Variants in ADGRD1 observed in about 807,000 individuals in gnomAD.
ADGRD1 encodes adhesion G protein-coupled receptor D1.
A neutral mutation model predicts 113.4 loss-of-function variants in ADGRD1; 77 were observed. The observed-to-expected ratio is 0.68, with a 90% confidence interval of 0.57 to 0.82. ADGRD1 has a LOEUF of 0.82. ADGRD1 is among the 40% of genes least tolerant of loss of function. The pLI, the probability that ADGRD1 is intolerant of heterozygous loss-of-function variation, is 0.00. For synonymous variants in ADGRD1, 474 were observed against 475.0 expected (o/e 1.00, Z 0.03); for missense variants, 1,036 against 1,139.1 (o/e 0.91, Z 1.30).
intron 10 of ADGRD1, 42 bp from the exon 11 acceptor site, chr12:131,004,144 A>T: frequency 7.9e-7 from 1 of 1,260,508 alleles, no homozygotes; most frequent in Non-Finnish European, 1.2e-6. Context: ...GCAGCCTGTG[A>T]GCTCTGACGG....
chr12:131,007,491 C>T (rs546106471), intron 12 of ADGRD1, among the ~76,000 whole-genome samples: 152 of 152,332 alleles, frequency 1.0e-3, no homozygotes, highest in African/African-American at 3.2e-3. Flanking sequence ...GAGCCCACAG[C>T]CTTGCAGATG....
intron 12 of ADGRD1, among the ~76,000 whole-genome samples, chr12:131,009,932 C>T (rs1248977347): frequency 2.0e-5 from 3 of 152,196 alleles, no homozygotes; most frequent in Non-Finnish European, 2.9e-5. Context: ...GGCAGATTTC[C>T]TGCTGGTTTG....
intron 24 of ADGRD1, 28 bp downstream of exon 24, chr12:131,138,257 T>G: frequency 6.3e-7 from 1 of 1,579,648 alleles, no homozygotes; most frequent in South Asian, 1.1e-5. Context: ...AAACCGAGGG[T>G]CCCAGCCCAT....
At chr12:131,100,829 C>G (rs1164352609) in intron 15 of ADGRD1, among the ~76,000 whole-genome samples, 2 of 152,208 alleles carry the variant, frequency 1.3e-5, no homozygotes, top group Admixed American at 6.5e-5. Context: ...CCACTGGAAC[C>G]TCACTGCATT....
At chr12:131,104,393 G>A (rs1311362850) in intron 15 of ADGRD1, among the ~76,000 whole-genome samples, 2 of 152,304 alleles carry the variant, frequency 1.3e-5, no homozygotes, top group East Asian at 1.9e-4. Flanking sequence ...AATGGAGAGG[G>A]GTCATTATTT....
chr12:131,121,448 C>T (rs1457087417), intron 20 of ADGRD1, among the ~76,000 whole-genome samples: 5 of 152,120 alleles, frequency 3.3e-5, no homozygotes, highest in African/African-American at 9.7e-5. Context: ...TGCAGTGGTG[C>T]GATCTCACTG....
chr12:131,046,453 C>T lies in ADGRD1; in HGVS notation c.1474-30348C>T, dbSNP rs1173277354. On this transcript the variant is annotated intron_variant, in intron 13 of 24. Transcript: ENST00000261654. ...CTGGTCAGTGTCCTCTCTCCCTGGT[C>T]AGTGTCCTCCCTGGTCAGCGCTCCC... Among the ~76,000 whole-genome samples, 8 of 132,264 alleles carry T rather than the reference C, an allele frequency of 6.0e-5. No homozygotes were observed. The Admixed American group carries it at 6.2e-4, about 10-fold the overall frequency. 86.8% of individuals were successfully genotyped at this position (132,264 alleles called of 152,430 possible).
At chr12:131,009,137 G>T (rs1877552409) in intron 12 of ADGRD1, among the ~76,000 whole-genome samples, 1 of 152,366 alleles carries the variant, frequency 6.6e-6, no homozygotes, top group Middle Eastern at 3.4e-3. Context: ...CAGCCAGGTG[G>T]CCACACTCAA....
chr12:131,011,976 T>C (rs577024548), intron 12 of ADGRD1, among the ~76,000 whole-genome samples: 127 of 152,258 alleles, frequency 8.3e-4, no homozygotes, highest in Non-Finnish European at 1.3e-3. Context: ...CCCCCAACTT[T>C]CTGCGGCCTC....
intron 13 of ADGRD1, among the ~76,000 whole-genome samples, chr12:131,061,455 C>T (rs563497130): frequency 4.6e-5 from 7 of 152,300 alleles, no homozygotes; most frequent in South Asian, 2.1e-4. Context: ...CGCCTGCCCA[C>T]GCTTGTGTTT....
rs377122491 is a variant in ADGRD1 at position 131,108,308 on chromosome 12, G to A, written c.1888-416G>A. Among the ~76,000 whole-genome samples, 17 of 152,286 alleles carry A rather than the reference G, an allele frequency of 1.1e-4. No individual in the cohort carries two copies. In the East Asian group the frequency reaches 3.1e-3, roughly 28 times the overall value. On this transcript the variant is annotated intron_variant, in intron 17 of 24. Coordinates refer to ENST00000261654, the MANE Select transcript of ADGRD1 (RefSeq NM_198827.5). ...GGCTCCACACCTCTCTGGGAGCCAC[G>A]TGGCTTCCAAAGTTCCTTGCTCCAG...
At chr12:131,051,607 C>A (rs1202744143) in intron 13 of ADGRD1, among the ~76,000 whole-genome samples, 1 of 152,058 alleles carries the variant, frequency 6.6e-6, no homozygotes, top group Non-Finnish European at 1.5e-5. Flanking sequence ...CTTCAGCCTC[C>A]TGAGTAGCTG....
intron 8 of ADGRD1, among the ~76,000 whole-genome samples, chr12:130,993,652 A>C (rs1874741741): frequency 6.6e-6 from 1 of 152,048 alleles, no homozygotes; most frequent in South Asian, 2.1e-4. Context: ...CCTGCTTCCC[A>C]CTGTGACATG....
chr12:131,055,391 T>C (rs1404189873), intron 13 of ADGRD1, among the ~76,000 whole-genome samples: 2 of 152,236 alleles, frequency 1.3e-5, no homozygotes, highest in Non-Finnish European at 2.9e-5. Flanking sequence ...GCACACTGAC[T>C]TCAGCGTTCG....
At chr12:131,005,760 AGG>A (rs1877021931) in intron 11 of ADGRD1, among the ~76,000 whole-genome samples, 1 of 122,384 alleles carries the variant, frequency 8.2e-6, no homozygotes, top group African/African-American at 3.7e-5. Context: ...GAGCTGGCTC[AGG>A]GGATGGAGCA....
Position 131,003,264 on chromosome 12 carries a change from C to T in ADGRD1, c.1106C>T (p.Thr369Met), listed in dbSNP as rs142314859. The T allele has an allele frequency of 6.1e-5, 98 of 1,613,824 alleles. No homozygotes were observed. The highest frequency in any genetic ancestry group is 1.6e-4 in the South Asian group (15 of 91,084). The change falls in exon 10 of 25, where the codon ACG becomes ATG. Residue 369 changes from threonine (T) to methionine (M), a missense_variant. Thr to Met is a moderately conservative substitution (Grantham distance 81, BLOSUM62 -1). Coordinates refer to ENST00000261654, the MANE Select transcript of ADGRD1 (RefSeq NM_198827.5). The surrounding 1 kb of genome is among the most constrained non-coding windows in gnomAD (Gnocchi z 4.8). ...GHVSSNLHGS[T>M]PQVTVEGSSA... ...GTATCCTCCAACCTGCACGGCAGCA[C>T]GCCCCAGGTCACCGTGGAGGGCTCC... is the stretch of plus-strand genomic sequence containing the variant.
At chr12:131,083,919 C>T (rs1419023363) in intron 14 of ADGRD1, among the ~76,000 whole-genome samples, 2 of 152,142 alleles carry the variant, frequency 1.3e-5, no homozygotes, top group African/African-American at 2.4e-5. Flanking sequence ...GTCTCTGTGC[C>T]GGTCATAGCT....
At chr12:131,108,253 A>G (rs543584707) in intron 17 of ADGRD1, among the ~76,000 whole-genome samples, 1 of 152,288 alleles carries the variant, frequency 6.6e-6, no homozygotes, top group African/African-American at 2.4e-5. Context: ...AAGTCCCAGC[A>G]TGTAGGGTTC....
rs1349401418 is a variant in ADGRD1 at position 131,006,000 on chromosome 12, C to T, written c.1284C>T (p.Tyr428=). The T allele has an allele frequency of 1.2e-6, 2 of 1,612,380 alleles. No individual in the cohort carries two copies. Among genetic ancestry groups the T allele is most frequent in the Non-Finnish European group, 1.7e-6 (2 of 1,179,916 alleles). Residue 428 remains tyrosine (Y), a synonymous_variant, in exon 12 of 25, where the codon TAC becomes TAT. Transcript: ENST00000261654. The part of the protein sequence containing the change: ...HAWSTVVGLL[Y]HSMHYYLNNI... ...GGAGCACCGTCGTGGGTCTGCTGTA[C>T]CACAGCATGCACTACTACCTGAACA...
Sources: allele counts gnomAD v4.1 joint callset (sites outside exome capture counted in the v4.1 genomes callset), GRCh38; gene constraint gnomAD v4.1.1; non-coding constraint Gnocchi (gnomAD v3.1); transcripts MANE v1.5; gene names NCBI Gene and HGNC (gene_info 2026-07-23, HGNC 2026-07-21).